The following NMNAT2 variants were observed in gnomAD, a reference collection of about 807,000 sequenced individuals.
NMNAT2 encodes nicotinamide nucleotide adenylyltransferase 2.
In NMNAT2, 11 loss-of-function variants were observed where a neutral mutation model predicts 41.6. The ratio of observed to expected loss-of-function variants is 0.26; its 90% confidence interval spans 0.17 to 0.44. The LOEUF is 0.44. Ranked by LOEUF, NMNAT2 falls within the 20% of genes least tolerant of loss-of-function variation. The pLI is 1.00. For missense variants in NMNAT2, 288 were observed against 407.7 expected (o/e 0.71, Z 2.53); for synonymous variants, 148 against 151.2 (o/e 0.98, Z 0.16).
chr1:183,296,522 CT>C (rs10655549), intron 1 of NMNAT2, among the ~76,000 whole-genome samples: 4 of 148,664 alleles, frequency 2.7e-5, no homozygotes, highest in Admixed American at 2.0e-4. Context: ...GTCACATTTG[CT>C]TTTTTTTTTG....
At chr1:183,331,264 T>G (rs1390316620) in intron 1 of NMNAT2, among the ~76,000 whole-genome samples, 2 of 151,718 alleles carry the variant, frequency 1.3e-5, no homozygotes, top group Non-Finnish European at 2.9e-5. Flanking sequence ...AAAACATGCA[T>G]GAAAAGCAGG....
intron 1 of NMNAT2, among the ~76,000 whole-genome samples, chr1:183,294,514 C>T (rs978192166): frequency 1.3e-4 from 20 of 152,116 alleles, no homozygotes; most frequent in African/African-American, 4.6e-4. Flanking sequence ...CAACAGGGGC[C>T]GGGTGTGGTG....
At chr1:183,317,218 C>T (rs1168329843) in intron 1 of NMNAT2, among the ~76,000 whole-genome samples, 2 of 152,186 alleles carry the variant, frequency 1.3e-5, no homozygotes, top group African/African-American at 4.8e-5. Flanking sequence ...AAAGTAGGCT[C>T]AGTTTCATCC....
At chr1:183,312,595 C>A (rs1296681648) in intron 1 of NMNAT2, among the ~76,000 whole-genome samples, 1 of 151,242 alleles carries the variant, frequency 6.6e-6, no homozygotes, top group Non-Finnish European at 1.5e-5. Context: ...ATATTGGTGA[C>A]AGTTTGTCAA....
chr1:183,275,970 A>C (rs1288114597), intron 8 of NMNAT2, among the ~76,000 whole-genome samples: 1 of 152,112 alleles, frequency 6.6e-6, no homozygotes, highest in Non-Finnish European at 1.5e-5. Flanking sequence ...CACCCAGCCT[A>C]GTATTTCAGT....
chr1:183,345,601 GC>G (rs928361008), intron 1 of NMNAT2, among the ~76,000 whole-genome samples: 7 of 152,130 alleles, frequency 4.6e-5, no homozygotes, highest in South Asian at 2.1e-4. Flanking sequence ...CTTCACAGAG[GC>G]CCCCCAGCAG....
intron 8 of NMNAT2, among the ~76,000 whole-genome samples, chr1:183,268,805 G>A (rs656664): frequency 0.72 from 109,946 of 152,166 alleles, 41,143 homozygotes; most frequent in Middle Eastern, 0.86. Flanking sequence ...ACTTTAAGAG[G>A]CCAAGGTGGG....
intron 1 of NMNAT2, among the ~76,000 whole-genome samples, chr1:183,373,003 G>T (rs891379616): frequency 5.9e-5 from 9 of 152,196 alleles, no homozygotes; most frequent in African/African-American, 1.9e-4. Flanking sequence ...CTCCCCCAGG[G>T]AGGCCATCAA....
chr1:183,313,121 C>T (rs1236323620), intron 1 of NMNAT2, among the ~76,000 whole-genome samples: 1 of 151,460 alleles, frequency 6.6e-6, no homozygotes, highest in African/African-American at 2.4e-5. Context: ...CCAACACGCA[C>T]GCATCTATTC....
At chr1:183,282,592 T>C (rs1661298637) in intron 7 of NMNAT2, among the ~76,000 whole-genome samples, 1 of 152,252 alleles carries the variant, frequency 6.6e-6, no homozygotes. Context: ...GGCTGAGCTC[T>C]GCTGGCCAAG....
chr1:183,405,336 G>A (rs766194943), intron 1 of NMNAT2, among the ~76,000 whole-genome samples: 2 of 152,206 alleles, frequency 1.3e-5, no homozygotes, highest in African/African-American at 2.4e-5. Context: ...ATCAAAATGA[G>A]CAAGGAATTG....
intron 8 of NMNAT2, among the ~76,000 whole-genome samples, chr1:183,264,181 T>C (rs1660743460): frequency 6.6e-6 from 1 of 152,126 alleles, no homozygotes; most frequent in South Asian, 2.1e-4. Context: ...GTTTCATATA[T>C]GATGTTTGTA....
chr1:183,277,714 T>C (rs975629108), intron 8 of NMNAT2, among the ~76,000 whole-genome samples: 2 of 152,070 alleles, frequency 1.3e-5, no homozygotes, highest in Non-Finnish European at 2.9e-5. Context: ...GCAAAGATTG[T>C]ATAGTACAAC....
intron 1 of NMNAT2, among the ~76,000 whole-genome samples, chr1:183,374,265 A>T (rs1663623897): frequency 6.7e-6 from 1 of 149,134 alleles, no homozygotes; most frequent in Non-Finnish European, 1.5e-5. Flanking sequence ...GTTTCCTCCA[A>T]AGGGAAGATA....
intron 1 of NMNAT2, among the ~76,000 whole-genome samples, chr1:183,321,690 T>C (rs1186237230): frequency 6.6e-6 from 1 of 151,398 alleles, no homozygotes; most frequent in East Asian, 1.9e-4. Context: ...TGCAAGATTG[T>C]GCCACTGCAC....
intron 1 of NMNAT2, among the ~76,000 whole-genome samples, chr1:183,364,410 A>G (rs1264844231): frequency 1.3e-5 from 2 of 152,226 alleles, no homozygotes; most frequent in African/African-American, 4.8e-5. Context: ...TTTCATCTGT[A>G]TACAATCACT....
intron 1 of NMNAT2, among the ~76,000 whole-genome samples, chr1:183,307,398 C>A (rs1471748938): frequency 6.7e-6 from 1 of 150,070 alleles, no homozygotes; most frequent in East Asian, 2.0e-4. Flanking sequence ...CCTCTGCCTC[C>A]TGGGTTCAAG....
chr1:183,379,577 A>AGTT (rs1463162037), intron 1 of NMNAT2, among the ~76,000 whole-genome samples: 1 of 152,218 alleles, frequency 6.6e-6, no homozygotes, highest in Non-Finnish European at 1.5e-5. Context: ...AAGCTGGAAT[A>AGTT]GTTATATTAA....
intron 1 of NMNAT2, among the ~76,000 whole-genome samples, chr1:183,315,975 A>C (rs1268543212): frequency 6.6e-6 from 1 of 152,188 alleles, no homozygotes; most frequent in Non-Finnish European, 1.5e-5. Flanking sequence ...GAATAACAAA[A>C]GTCTTTAATT....
Sources: gnomAD v4.1 joint callset for allele counts (sites outside exome capture counted in the v4.1 genomes callset) on GRCh38, gnomAD v4.1.1 for gene constraint, MANE v1.5 for transcripts, NCBI Gene and HGNC (gene_info 2026-07-23, HGNC 2026-07-21) for gene names.